RAB8B: variants seen among roughly 807,000 people sequenced by gnomAD.
The protein encoded by RAB8B is ras-related protein Rab-8B.
A neutral mutation model predicts 32.0 loss-of-function variants in RAB8B; 11 were observed. The ratio of observed to expected loss-of-function variants is 0.34; its 90% CI spans 0.22 to 0.57. RAB8B has a LOEUF of 0.57. RAB8B is among the 20% of genes least tolerant of loss of function. RAB8B has a pLI of 0.86. For missense variants in RAB8B, 190 were observed against 258.5 expected (o/e 0.73, Z 1.82); for synonymous variants, 103 against 89.6 (o/e 1.15, Z -0.85).
chr15:63,250,355 T>C (rs905191510), intron 3 of RAB8B, among the ~76,000 whole-genome samples: 2 of 152,216 alleles, frequency 1.3e-5, no homozygotes, highest in East Asian at 1.9e-4. Flanking sequence ...TCTTATACTC[T>C]CTTGTCATTC....
intron 1 of RAB8B, among the ~76,000 whole-genome samples, chr15:63,193,328 G>C (rs1910094): frequency 0.38 from 58,075 of 152,048 alleles, 12,497 homozygotes; most frequent in Non-Finnish European, 0.5. Flanking sequence ...TTGGAAGGTA[G>C]ATTTTCTTGT....
chr15:63,230,133 A>G (rs1237907022), intron 1 of RAB8B, among the ~76,000 whole-genome samples: 1 of 152,056 alleles, frequency 6.6e-6, no homozygotes, highest in Non-Finnish European at 1.5e-5. Flanking sequence ...AGCTTATTAT[A>G]ATTATCCTTC....
At chr15:63,191,854 A>T (rs1049486110) in intron 1 of RAB8B, among the ~76,000 whole-genome samples, 1 of 152,148 alleles carries the variant, frequency 6.6e-6, no homozygotes, top group African/African-American at 2.4e-5. Context: ...CTGTAAGGGT[A>T]TCTGGTTCCT....
At chr15:63,213,380 TAA>T (rs1567011230) in intron 1 of RAB8B, among the ~76,000 whole-genome samples, 1 of 152,190 alleles carries the variant, frequency 6.6e-6, no homozygotes, top group African/African-American at 2.4e-5. Context: ...TGGTGCTTAG[TAA>T]ATCATGGTTT....
intron 4 of RAB8B, among the ~76,000 whole-genome samples, 172 bp from the exon 5 acceptor site, chr15:63,256,333 G>T (rs2038158615): frequency 6.6e-6 from 1 of 152,116 alleles, no homozygotes; most frequent in Admixed American, 6.6e-5. Flanking sequence ...GAGGGCTCTT[G>T]TACTGTAGCT....
chr15:63,246,020 G>C (rs1334014265), intron 2 of RAB8B, among the ~76,000 whole-genome samples: 1 of 152,094 alleles, frequency 6.6e-6, no homozygotes, highest in Non-Finnish European at 1.5e-5. Context: ...TTACAGGCAT[G>C]CGCTACCACG....
chr15:63,255,485 A>T lies in RAB8B; in HGVS notation c.247-22A>T, dbSNP rs3784675. The T allele has an allele frequency of 1.8e-5, 27 of 1,498,334 alleles. No individual in the cohort carries two copies. In the East Asian group the frequency reaches 5.7e-4, roughly 32 times the overall value. 92.8% of individuals were successfully genotyped at this position (1,498,334 alleles called of 1,614,324 possible). On this transcript the variant is annotated intron_variant, in intron 3 of 7. Coordinates refer to ENST00000321437, the MANE Select transcript of RAB8B (RefSeq NM_016530.3). ...CTTTAAATATATAAAGTACTAAATA[A>T]AGATATTTTTCCCCCTTATAGGGCA...
intron 6 of RAB8B, among the ~76,000 whole-genome samples, chr15:63,260,409 T>G (rs2038193135): frequency 6.6e-6 from 1 of 152,212 alleles, no homozygotes; most frequent in South Asian, 2.1e-4. Context: ...ACACATTCCT[T>G]TAGCGTACAC....
intron 1 of RAB8B, among the ~76,000 whole-genome samples, chr15:63,198,248 A>G (rs1000197195): frequency 6.6e-6 from 1 of 152,140 alleles, no homozygotes; most frequent in Non-Finnish European, 1.5e-5. Context: ...GCTGTGATGA[A>G]AGTATTTTCT....
intron 3 of RAB8B, among the ~76,000 whole-genome samples, chr15:63,254,394 T>A (rs2038143256): frequency 6.6e-6 from 1 of 152,068 alleles, no homozygotes; most frequent in African/African-American, 2.4e-5. Context: ...TTGTCTGTTG[T>A]CTTTGTTAGC....
intron 2 of RAB8B, among the ~76,000 whole-genome samples, chr15:63,245,264 C>A (rs1474715371): frequency 2.6e-5 from 4 of 152,126 alleles, no homozygotes; most frequent in Non-Finnish European, 5.9e-5. Context: ...TCACCTTTTC[C>A]TCGTTTGTAA....
chr15:63,201,084 G>A (rs1190732709), intron 1 of RAB8B, among the ~76,000 whole-genome samples: 1 of 151,536 alleles, frequency 6.6e-6, no homozygotes, highest in African/African-American at 2.4e-5. Flanking sequence ...TGGGGGTGGG[G>A]GTACTATATT....
rs192010701 is a variant in RAB8B, at chr15:63,254,112, G to A, written c.247-1395G>A. 1.0e-3 allele frequency among the ~76,000 whole-genome samples: 153 copies of A among 152,188 alleles called. 1 individual carries two copies. Among genetic ancestry groups the A allele is most frequent in the Admixed American group, 4.2e-3 (64 of 15,278 alleles). ...CTGACTTTCTTTCACTCAATCCAGC[G>A]GTCTCTGGTTCAACATCAGCAAGAG... On this transcript the variant is annotated intron_variant, in intron 3 of 7. Transcript: ENST00000321437.
intron 3 of RAB8B, among the ~76,000 whole-genome samples, chr15:63,250,148 A>G (rs1366468306): frequency 1.3e-5 from 2 of 152,216 alleles, no homozygotes; most frequent in Non-Finnish European, 2.9e-5. Flanking sequence ...GTCTCAAAAA[A>G]AAAGGTTTTT....
chr15:63,201,978 C>T (rs928900561), intron 1 of RAB8B, among the ~76,000 whole-genome samples: 7 of 150,668 alleles, frequency 4.6e-5, no homozygotes, highest in African/African-American at 7.3e-5. Flanking sequence ...ATTGGCCGGG[C>T]GCGGTGGCTC....
At chr15:63,200,862 G>T (rs1006008076) in intron 1 of RAB8B, among the ~76,000 whole-genome samples, 1 of 152,102 alleles carries the variant, frequency 6.6e-6, no homozygotes, top group African/African-American at 2.4e-5. Context: ...CATTTCTCTT[G>T]CTATGAAAAG....
At chr15:63,261,204 T>C (rs1038016673) in intron 6 of RAB8B, among the ~76,000 whole-genome samples, 1 of 152,168 alleles carries the variant, frequency 6.6e-6, no homozygotes, top group Admixed American at 6.5e-5. Context: ...GGGCAATGCA[T>C]ATCAAAAGTA....
At chr15:63,213,912 C>T (rs2037768587) in intron 1 of RAB8B, among the ~76,000 whole-genome samples, 1 of 152,038 alleles carries the variant, frequency 6.6e-6, no homozygotes, top group African/African-American at 2.4e-5. Context: ...GAAACCCCTA[C>T]TCTAATAAAA....
At chr15:63,244,065 A>G (rs1435492454) in intron 1 of RAB8B, among the ~76,000 whole-genome samples, 1 of 152,226 alleles carries the variant, frequency 6.6e-6, no homozygotes, top group Non-Finnish European at 1.5e-5. Context: ...CCCACCTCTT[A>G]GTACTTAGTA....
Sources: allele counts gnomAD v4.1 joint callset (sites outside exome capture counted in the v4.1 genomes callset), GRCh38; gene constraint gnomAD v4.1.1; transcripts MANE v1.5; gene names NCBI Gene and HGNC (gene_info 2026-07-23, HGNC 2026-07-21).